The following MCC variants were observed in gnomAD, a reference collection of about 807,000 sequenced individuals.
MCC encodes the protein colorectal mutant cancer protein.
A neutral mutation model predicts 116.2 loss-of-function variants in MCC; 90 were observed. The ratio of observed to expected loss-of-function variants is 0.77; its 90% CI spans 0.65 to 0.92. MCC has a LOEUF of 0.92. MCC is among the 40% of genes least tolerant of loss of function. MCC has a pLI of 0.00. For synonymous variants in MCC, 578 were observed against 510.5 expected (o/e 1.13, Z -1.78); for missense variants, 1,516 against 1,312.2 (o/e 1.16, Z -2.40).
intron 5 of MCC, among the ~76,000 whole-genome samples, chr5:113,123,332 T>G (rs972160656): frequency 2.6e-5 from 4 of 152,200 alleles, no homozygotes; most frequent in Non-Finnish European, 5.9e-5. Flanking sequence ...CAAACTAGAC[T>G]TTTTTGAAAG....
intron 2 of MCC, among the ~76,000 whole-genome samples, 173 bp from the exon 3 acceptor site, chr5:113,340,903 AG>A (rs1767995090): frequency 6.6e-6 from 1 of 152,160 alleles, no homozygotes; most frequent in African/African-American, 2.4e-5. Context: ...ACACATGGGG[AG>A]CCTGGAGATA....
At chr5:113,194,330 T>A (rs116500268) in intron 3 of MCC, among the ~76,000 whole-genome samples, 1 of 152,098 alleles carries the variant, frequency 6.6e-6, no homozygotes, top group Non-Finnish European at 1.5e-5. Flanking sequence ...AAGTCCAACA[T>A]TGCCCCATAG....
intron 3 of MCC, among the ~76,000 whole-genome samples, chr5:113,205,994 G>C (rs1332549923): frequency 6.6e-6 from 1 of 152,246 alleles, no homozygotes; most frequent in Non-Finnish European, 1.5e-5. Context: ...TGAGAAGCCT[G>C]AAGGTGGCAG....
chr5:113,352,022 T>A (rs572407881), intron 2 of MCC, among the ~76,000 whole-genome samples: 1 of 152,202 alleles, frequency 6.6e-6, no homozygotes, highest in Non-Finnish European at 1.5e-5. Flanking sequence ...CAATTTTTGC[T>A]GAAGTGATGC....
chr5:113,196,858 T>C (rs1242685304), intron 3 of MCC, among the ~76,000 whole-genome samples: 1 of 152,108 alleles, frequency 6.6e-6, no homozygotes, highest in African/African-American at 2.4e-5. Flanking sequence ...TCAATCAATC[T>C]GTGGGCAAAC....
At chr5:113,255,325 T>G (rs1056117864) in intron 3 of MCC, among the ~76,000 whole-genome samples, 1 of 152,202 alleles carries the variant, frequency 6.6e-6, no homozygotes, top group Admixed American at 6.5e-5. Flanking sequence ...CAATTTTTCC[T>G]TCCCTGTTTT....
chr5:113,049,410 G>A lies in MCC; in HGVS notation c.2449-111C>T, dbSNP rs1580925743. 5 of 834,168 alleles carry A rather than the reference G, an allele frequency of 6.0e-6. No homozygotes were observed. In the East Asian group the frequency reaches 1.3e-4, roughly 22 times the overall value. 51.7% of individuals were successfully genotyped at this position (834,168 alleles called of 1,614,324 possible). On this transcript the variant is annotated intron_variant, in intron 15 of 18. Transcript: ENST00000408903. ...CCCGGCTATGACCCACAGGCCCATGGTAGAGTTCTCACTTTGAAGTTGGCA... is the reference window on the plus strand; with the variant it reads ...CCCGGCTATGACCCACAGGCCCATGATAGAGTTCTCACTTTGAAGTTGGCA...
intron 3 of MCC, among the ~76,000 whole-genome samples, chr5:113,281,791 T>G (rs1581362175): frequency 6.6e-6 from 1 of 152,212 alleles, no homozygotes; most frequent in Non-Finnish European, 1.5e-5. Flanking sequence ...ATTGTTTTCA[T>G]GACATATTGG....
At chr5:113,141,426 C>T (rs1366962465) in intron 5 of MCC, among the ~76,000 whole-genome samples, 1 of 152,220 alleles carries the variant, frequency 6.6e-6, no homozygotes, top group Non-Finnish European at 1.5e-5. Context: ...AATCCCCTTT[C>T]ATATCTTTAC....
chr5:113,393,943 C>G (rs1252214568), intron 1 of MCC, among the ~76,000 whole-genome samples: 9 of 152,128 alleles, frequency 5.9e-5, no homozygotes, highest in Non-Finnish European at 7.4e-5. Flanking sequence ...CTCTAAAACT[C>G]TCTACAGATA....
intron 3 of MCC, among the ~76,000 whole-genome samples, chr5:113,210,974 A>G (rs764132585): frequency 1.1e-4 from 17 of 152,198 alleles, no homozygotes; most frequent in Non-Finnish European, 2.1e-4. Context: ...AATTAGCTCA[A>G]TGGAGGTTAG....
In MCC at chr5:113,357,151, A is replaced by C. The variant is rs148488097; in HGVS notation, c.416-16421T>G. Among the ~76,000 whole-genome samples, 39 of 152,334 alleles carry C rather than the reference A, an allele frequency of 2.6e-4. 1 individual carries two copies. Among genetic ancestry groups the C allele is most frequent in the Admixed American group, 9.1e-4 (14 of 15,302 alleles). On this transcript the variant is annotated intron_variant, in intron 2 of 18. Transcript: ENST00000408903. Reference sequence around the variant, plus strand: ...AGGGATAATAAAGTGTACTTTCATGAGGTTGTTGTGAGAATTAAAGTTAAA... The same window carrying C: ...AGGGATAATAAAGTGTACTTTCATGCGGTTGTTGTGAGAATTAAAGTTAAA...
chr5:113,415,118 G>A (rs1268433184), intron 1 of MCC, among the ~76,000 whole-genome samples: 2 of 152,226 alleles, frequency 1.3e-5, no homozygotes, highest in Non-Finnish European at 2.9e-5. Context: ...GGCTTGTAGA[G>A]TTTCTGCCGA....
At chr5:113,331,304 G>T (rs1767690544) in intron 3 of MCC, among the ~76,000 whole-genome samples, 2 of 151,756 alleles carry the variant, frequency 1.3e-5, no homozygotes, top group South Asian at 4.1e-4. Flanking sequence ...CCGCTGAGCA[G>T]AGCAGAAGAG....
intron 3 of MCC, among the ~76,000 whole-genome samples, chr5:113,275,604 G>A (rs1765791505): frequency 1.3e-5 from 2 of 152,118 alleles, no homozygotes; most frequent in South Asian, 2.1e-4. Context: ...GGTATAGCCC[G>A]CCCTCCATTT....
chr5:113,395,036 A>C (rs186035537), intron 1 of MCC, among the ~76,000 whole-genome samples: 58 of 152,336 alleles, frequency 3.8e-4, no homozygotes, highest in African/African-American at 1.4e-3. Flanking sequence ...AAGTTTGCAA[A>C]TCTGTACTAG....
At chr5:113,188,394 C>T (rs188801068) in intron 3 of MCC, among the ~76,000 whole-genome samples, 1 of 152,294 alleles carries the variant, frequency 6.6e-6, no homozygotes, top group Non-Finnish European at 1.5e-5. Flanking sequence ...ACATGTTCTG[C>T]CATAGAACAA....
intron 8 of MCC, among the ~76,000 whole-genome samples, chr5:113,089,167 A>G (rs1053884734): frequency 6.6e-6 from 1 of 152,036 alleles, no homozygotes; most frequent in African/African-American, 2.4e-5. Flanking sequence ...TCTGGTAAAC[A>G]TTATGATGGG....
chr5:113,065,570 G>A (rs2150230683), intron 13 of MCC, among the ~76,000 whole-genome samples: 1 of 152,278 alleles, frequency 6.6e-6, no homozygotes, highest in Non-Finnish European at 1.5e-5. Flanking sequence ...GACACACTCA[G>A]AGTCCCACCC....
Sources: allele counts gnomAD v4.1 joint callset (sites outside exome capture counted in the v4.1 genomes callset), GRCh38; gene constraint gnomAD v4.1.1; transcripts MANE v1.5; gene names NCBI Gene and HGNC (gene_info 2026-07-23, HGNC 2026-07-21).